UCHL3: variants seen among roughly 807,000 people sequenced by gnomAD.
UCHL3 encodes ubiquitin carboxyl-terminal hydrolase isozyme L3.
In UCHL3, 22 loss-of-function variants were observed where a neutral mutation model predicts 35.8. The observed-to-expected ratio is 0.61, with a 90% confidence interval of 0.44 to 0.88. The LOEUF (loss-of-function observed/expected upper bound fraction) is 0.88, where lower values mean the gene tolerates loss of function less well. Ranked by LOEUF, UCHL3 falls within the 40% of genes least tolerant of loss-of-function variation. The pLI is 0.00. For missense variants in UCHL3, 229 were observed against 276.9 expected (o/e 0.83, Z 1.23); for synonymous variants, 90 against 92.8 (o/e 0.97, Z 0.17).
intron 7 of UCHL3, among the ~76,000 whole-genome samples, chr13:75,595,597 C>CAAAAAAAAAAAAAAAA (rs58733406): frequency 2.2e-5 from 1 of 45,658 alleles, no homozygotes; most frequent in Non-Finnish European, 3.3e-5. Context: ...TACTCCATCT[C>CAAAAAAAAAAAAAAAA]AAAAAAAAAA....
At chr13:75,573,266 GAAA>G (rs59697323) in intron 6 of UCHL3, among the ~76,000 whole-genome samples, 9 of 129,382 alleles carry the variant, frequency 7.0e-5, no homozygotes, top group East Asian at 2.3e-4. Context: ...CTCTGTCTCA[GAAA>G]AAAAAAAAAA....
At chr13:75,552,200 C>T (rs537522554) in intron 2 of UCHL3, among the ~76,000 whole-genome samples, 11 of 152,218 alleles carry the variant, frequency 7.2e-5, no homozygotes, top group Middle Eastern at 3.4e-3. Context: ...ATGTAAGAAA[C>T]GGTTATAACT....
At chr13:75,593,895 G>T (rs1009496160) in intron 6 of UCHL3, among the ~76,000 whole-genome samples, 2 of 152,090 alleles carry the variant, frequency 1.3e-5, no homozygotes, top group East Asian at 1.9e-4. Context: ...AGGATGAAAA[G>T]AATATAATTT....
intron 2 of UCHL3, among the ~76,000 whole-genome samples, chr13:75,550,360 C>T (rs565314362): frequency 9.8e-5 from 15 of 152,294 alleles, no homozygotes; most frequent in African/African-American, 3.6e-4. Context: ...AATTTGCCCA[C>T]ACTTCCTGAC....
chr13:75,605,883 A>C lies in UCHL3; in HGVS notation c.*71A>C, dbSNP rs1467379798. ...ATTTTCTCTGCCATACACTAACTCA[A>C]AAATTTTGATATTTTCATTAACTTG... On this transcript the variant is annotated 3_prime_UTR_variant, in exon 9 of 9. Transcript: ENST00000377595. 58 of 1,448,974 alleles carry C rather than the reference A, an allele frequency of 4.0e-5. No homozygotes were observed. Among genetic ancestry groups the C allele is most frequent in the Non-Finnish European group, 2.9e-6 (3 of 1,041,652 alleles). The allele number at this position is 1,448,974 out of a possible 1,614,324, so 89.8% of individuals were successfully genotyped here.
intron 6 of UCHL3, among the ~76,000 whole-genome samples, chr13:75,573,945 C>T (rs1042154788): frequency 2.6e-5 from 4 of 152,092 alleles, no homozygotes; most frequent in Non-Finnish European, 2.9e-5. Flanking sequence ...AGGCTGGGCG[C>T]GGTGGCTCAC....
chr13:75,572,673 T>C (rs1364961558), intron 6 of UCHL3, among the ~76,000 whole-genome samples: 1 of 152,062 alleles, frequency 6.6e-6, no homozygotes, highest in Non-Finnish European at 1.5e-5. Context: ...TAAAAAAAAG[T>C]AGGGGGTTAG....
intron 7 of UCHL3, among the ~76,000 whole-genome samples, chr13:75,600,350 A>G (rs532655279): frequency 6.6e-6 from 1 of 152,348 alleles, no homozygotes; most frequent in South Asian, 2.1e-4. Flanking sequence ...TGGGAAGAAG[A>G]TGCCATCTAG....
intron 6 of UCHL3, among the ~76,000 whole-genome samples, chr13:75,570,485 C>T (rs1236656286): frequency 6.6e-6 from 1 of 152,184 alleles, no homozygotes; most frequent in East Asian, 1.9e-4. Flanking sequence ...ATCCACCTGT[C>T]TCAGCCTCCC....
chr13:75,589,334 G>A (rs1015045469), intron 6 of UCHL3, among the ~76,000 whole-genome samples: 8 of 152,168 alleles, frequency 5.3e-5, no homozygotes, highest in South Asian at 2.1e-4. Flanking sequence ...AAAAAGATGC[G>A]TATTATATTT....
rs776356098 is a variant in UCHL3 at position 75,567,320 on chromosome 13, C to T, written c.426+8C>T. ...TACCTGGAGAACTATGATGTCGGTACCTTCTTTCCGTTTTGATCTCATGTG... is the reference window on the plus strand; with the variant it reads ...TACCTGGAGAACTATGATGTCGGTATCTTCTTTCCGTTTTGATCTCATGTG... On this transcript the variant is annotated splice_region_variant and intron_variant, in intron 5 of 8. Transcript: ENST00000377595. 7 of 1,613,550 alleles carry T rather than the reference C, an allele frequency of 4.3e-6. 1 individual carries two copies. The highest frequency in any genetic ancestry group is 1.7e-5 in the Admixed American group (1 of 59,980).
chr13:75,592,943 C>T (rs547801484), intron 6 of UCHL3, among the ~76,000 whole-genome samples: 34 of 152,126 alleles, frequency 2.2e-4, no homozygotes, highest in Admixed American at 5.2e-4. Flanking sequence ...ATTTAAACCT[C>T]GAGGTGGATA....
At chr13:75,584,154 G>T (rs2032260025) in intron 6 of UCHL3, among the ~76,000 whole-genome samples, 1 of 152,152 alleles carries the variant, frequency 6.6e-6, no homozygotes, top group African/African-American at 2.4e-5. Context: ...TCTACCACTG[G>T]AGGAAAAGAC....
chr13:75,561,155 C>T (rs1277999808), intron 3 of UCHL3, among the ~76,000 whole-genome samples: 2 of 152,098 alleles, frequency 1.3e-5, no homozygotes, highest in East Asian at 3.9e-4. Context: ...GTCTGGTCTC[C>T]AACTCGGGCT....
intron 3 of UCHL3, among the ~76,000 whole-genome samples, chr13:75,564,649 A>G (rs756003345): frequency 6.6e-6 from 1 of 151,956 alleles, no homozygotes; most frequent in African/African-American, 2.4e-5. Flanking sequence ...CACCCTCACC[A>G]TTATTTATTA....
At chr13:75,565,945 G>C (rs1437129334) in intron 3 of UCHL3, among the ~76,000 whole-genome samples, 2 of 152,112 alleles carry the variant, frequency 1.3e-5, no homozygotes, top group African/African-American at 4.8e-5. Flanking sequence ...CATTTTTGAT[G>C]CTTATTATTA....
intron 6 of UCHL3, among the ~76,000 whole-genome samples, chr13:75,570,564 A>G (rs915809181): frequency 1.3e-5 from 2 of 152,196 alleles, no homozygotes; most frequent in Admixed American, 1.3e-4. Flanking sequence ...GTAAAAGATG[A>G]CATTGCCTTT....
At chr13:75,574,880 C>T (rs184135882) in intron 6 of UCHL3, among the ~76,000 whole-genome samples, 11 of 151,982 alleles carry the variant, frequency 7.2e-5, no homozygotes, top group Admixed American at 1.3e-4. Flanking sequence ...AGAGCTCAGG[C>T]GAGATATCTG....
At chr13:75,577,164 G>A (rs939947883) in intron 6 of UCHL3, among the ~76,000 whole-genome samples, 2 of 152,140 alleles carry the variant, frequency 1.3e-5, no homozygotes, top group African/African-American at 2.4e-5. Context: ...ATAGGAGGAT[G>A]GCTTCAGCTC....
Sources: gnomAD v4.1 joint callset for allele counts (sites outside exome capture counted in the v4.1 genomes callset) on GRCh38, gnomAD v4.1.1 for gene constraint, MANE v1.5 for transcripts, NCBI Gene and HGNC (gene_info 2026-07-23, HGNC 2026-07-21) for gene names.